ARHGAP15: variants seen among roughly 807,000 people sequenced by gnomAD.
The protein encoded by ARHGAP15 is Rho GTPase activating protein 15, also known as rho GTPase-activating protein 15.
Under a neutral mutation model 63.7 loss-of-function variants are expected in ARHGAP15, and 51 were observed. That is an observed-to-expected ratio of 0.80 (90% CI 0.64 to 1.01). ARHGAP15 has a LOEUF of 1.01. Ranked by LOEUF, ARHGAP15 falls within the 50% of genes least tolerant of loss-of-function variation. ARHGAP15 has a pLI of 0.00. For synonymous variants in ARHGAP15, 191 were observed against 193.8 expected (o/e 0.99, Z 0.12); for missense variants, 560 against 564.6 (o/e 0.99, Z 0.08).
chr2:143,281,643 A>G (rs1007146663), intron 6 of ARHGAP15, among the ~76,000 whole-genome samples: 1 of 152,134 alleles, frequency 6.6e-6, no homozygotes, highest in Admixed American at 6.6e-5. Context: ...TCCTCTTTAC[A>G]TTGGCCAACT....
chr2:143,600,341 C>A (rs1221643397), intron 11 of ARHGAP15, among the ~76,000 whole-genome samples: 8 of 152,100 alleles, frequency 5.3e-5, no homozygotes, highest in Admixed American at 5.2e-4. Flanking sequence ...AGTCACAGGG[C>A]CACATACTGT....
Position 143,398,030 on chromosome 2 carries a change from G to T in ARHGAP15, c.475-37571G>T, listed in dbSNP as rs141767239. Among the ~76,000 whole-genome samples, 248 of 152,086 alleles carry T rather than the reference G, an allele frequency of 1.6e-3. 1 individual carries two copies. The highest frequency in any genetic ancestry group is 5.5e-3 in the African/African-American group (227 of 41,520). On this transcript the variant is annotated intron_variant, in intron 6 of 13. Coordinates refer to ENST00000295095, the MANE Select transcript of ARHGAP15 (RefSeq NM_018460.4). ...CTGCTTTTACTGAACTCTTAAATCTGCTTTTTAAAAGTTTCACTATTGTAC... is the reference window on the plus strand; with the variant it reads ...CTGCTTTTACTGAACTCTTAAATCTTCTTTTTAAAAGTTTCACTATTGTAC...
chr2:143,354,366 C>A (rs1685714684), intron 6 of ARHGAP15, among the ~76,000 whole-genome samples: 1 of 152,070 alleles, frequency 6.6e-6, no homozygotes, highest in Non-Finnish European at 1.5e-5. Context: ...CCTAAGAGCC[C>A]TAAAAGTATG....
chr2:143,354,612 G>T (rs1249911386), intron 6 of ARHGAP15, among the ~76,000 whole-genome samples: 1 of 152,036 alleles, frequency 6.6e-6, no homozygotes. Flanking sequence ...TTTAAGAAAA[G>T]CATTTTAGCT....
chr2:143,548,773 C>A (rs1695435593), intron 10 of ARHGAP15, among the ~76,000 whole-genome samples: 1 of 151,582 alleles, frequency 6.6e-6, no homozygotes, highest in Non-Finnish European at 1.5e-5. Context: ...TTTGTTATGA[C>A]ATTAAAAAGA....
chr2:143,438,888 G>C (rs563196201), intron 8 of ARHGAP15, among the ~76,000 whole-genome samples: 56 of 152,162 alleles, frequency 3.7e-4, no homozygotes, highest in Non-Finnish European at 6.0e-4. Flanking sequence ...ATAATTGCTG[G>C]TTCAGAGACC....
intron 2 of ARHGAP15, among the ~76,000 whole-genome samples, chr2:143,188,289 TATAAAC>T (rs1558802175): frequency 1.3e-5 from 2 of 152,140 alleles, no homozygotes; most frequent in Admixed American, 1.3e-4. Flanking sequence ...TCAATAATTA[TATAAAC>T]ATAAATTTCT....
rs987930847 is a variant in ARHGAP15 at position 143,388,036 on chromosome 2, A to G, written c.475-47565A>G. Among the ~76,000 whole-genome samples, 3 of 152,192 alleles carry G rather than the reference A, an allele frequency of 2.0e-5. 1 individual carries two copies. The highest frequency in any genetic ancestry group is 4.1e-4 in the South Asian group (2 of 4,832). On this transcript the variant is annotated intron_variant, in intron 6 of 13. Transcript: ENST00000295095. ...TAATGCTTTCCCTTTTCTTTCTAAAATGTTATTAACTCATATCAACACTAC... is the reference window on the plus strand; with the variant it reads ...TAATGCTTTCCCTTTTCTTTCTAAAGTGTTATTAACTCATATCAACACTAC...
At chr2:143,515,186 AAC>A (rs773778559) in intron 9 of ARHGAP15, among the ~76,000 whole-genome samples, 7 of 45,164 alleles carry the variant, frequency 1.5e-4, no homozygotes, top group South Asian at 1.6e-3. Context: ...CCACTATATT[AAC>A]CCCCCCACCC....
intron 12 of ARHGAP15, among the ~76,000 whole-genome samples, chr2:143,687,164 C>G (rs1683389028): frequency 6.6e-6 from 1 of 152,048 alleles, no homozygotes; most frequent in African/African-American, 2.4e-5. Context: ...TTTAACGGAC[C>G]TATTTTTCTT....
intron 13 of ARHGAP15, among the ~76,000 whole-genome samples, chr2:143,711,697 G>A (rs1322667493): frequency 1.3e-5 from 2 of 152,166 alleles, no homozygotes; most frequent in African/African-American, 4.8e-5. Context: ...CAGCGGTTGA[G>A]GAGGGAGGAT....
chr2:143,495,142 CCTTT>C (rs1243651534), intron 9 of ARHGAP15, among the ~76,000 whole-genome samples: 1 of 152,062 alleles, frequency 6.6e-6, no homozygotes, highest in South Asian at 2.1e-4. Flanking sequence ...CTGTTTTCTC[CCTTT>C]CTTTTTTGTT....
chr2:143,661,950 A>G (rs1265976650), intron 12 of ARHGAP15, among the ~76,000 whole-genome samples: 1 of 152,204 alleles, frequency 6.6e-6, no homozygotes, highest in African/African-American at 2.4e-5. Flanking sequence ...TTGCTAGCAC[A>G]GCAGTCTGAG....
intron 4 of ARHGAP15, among the ~76,000 whole-genome samples, chr2:143,223,334 C>A (rs1693072401): frequency 6.6e-6 from 1 of 152,152 alleles, no homozygotes; most frequent in Non-Finnish European, 1.5e-5. Context: ...AGGATCAAAC[C>A]CTTACCTGAT....
intron 9 of ARHGAP15, among the ~76,000 whole-genome samples, chr2:143,511,121 G>C (rs1321374766): frequency 6.6e-6 from 1 of 152,172 alleles, no homozygotes; most frequent in Non-Finnish European, 1.5e-5. Context: ...ACTTAACCTG[G>C]TTATGCTGAT....
intron 6 of ARHGAP15, among the ~76,000 whole-genome samples, chr2:143,385,174 A>G (rs532391894): frequency 6.6e-6 from 1 of 152,280 alleles, no homozygotes; most frequent in Admixed American, 6.5e-5. Flanking sequence ...AGCCACGCAA[A>G]GAGTAAAGGA....
chr2:143,403,355 T>G (rs1294458779), intron 6 of ARHGAP15, among the ~76,000 whole-genome samples: 2 of 151,906 alleles, frequency 1.3e-5, no homozygotes, highest in African/African-American at 4.8e-5. Flanking sequence ...TGTGGACCAC[T>G]TCCAGTTCAC....
chr2:143,312,927 T>C (rs1250349611), intron 6 of ARHGAP15, among the ~76,000 whole-genome samples: 4 of 152,208 alleles, frequency 2.6e-5, no homozygotes, highest in African/African-American at 7.2e-5. Context: ...GAATGGTATA[T>C]AAAAACTAAG....
intron 6 of ARHGAP15, among the ~76,000 whole-genome samples, chr2:143,287,817 GA>G (rs1171894711): frequency 6.6e-6 from 1 of 151,968 alleles, no homozygotes; most frequent in Non-Finnish European, 1.5e-5. Context: ...AAAAGAAAAA[GA>G]AAAAAAGAAA....
Sources: allele counts gnomAD v4.1 joint callset (sites outside exome capture counted in the v4.1 genomes callset), GRCh38; gene constraint gnomAD v4.1.1; transcripts MANE v1.5; gene names NCBI Gene and HGNC (gene_info 2026-07-23, HGNC 2026-07-21).